The following SDK1 variants were observed in gnomAD, a reference collection of about 807,000 sequenced individuals.
SDK1 encodes protein sidekick-1.
SDK1 carries 157 observed loss-of-function variants against 245.5 expected under a neutral mutation model. That is an observed-to-expected ratio of 0.64 (90% CI 0.56 to 0.73). The LOEUF is 0.73. Among genes scored for constraint, SDK1 ranks in the 30% least tolerant of loss-of-function variants. The pLI is 0.00. For synonymous variants in SDK1, 1,647 were observed against 1,278.5 expected (o/e 1.29, Z -6.15); for missense variants, 3,583 against 3,002.3 (o/e 1.19, Z -4.52).
chr7:4,205,742 C>CGACG (rs1331793914), intron 35 of SDK1, 137 bp from the exon 36 acceptor site: 2 of 715,588 alleles, frequency 2.8e-6, no homozygotes, highest in Non-Finnish European at 4.7e-6. Flanking sequence ...TAAGCCAGGG[C>CGACG]GACGGCCCAG....
intron 1 of SDK1, among the ~76,000 whole-genome samples, chr7:3,458,653 G>T (rs1780742788): frequency 6.6e-6 from 1 of 152,052 alleles, no homozygotes; most frequent in South Asian, 2.1e-4. Context: ...GAGGTAGATA[G>T]AGGTCATGAT....
At chr7:3,612,036 G>C (rs115863487) in intron 1 of SDK1, among the ~76,000 whole-genome samples, 1 of 152,252 alleles carries the variant, frequency 6.6e-6, no homozygotes, top group African/African-American at 2.4e-5. Flanking sequence ...TCCTAAGTGG[G>C]AGCTAAGCTG....
Position 3,969,301 on chromosome 7 carries a change from A to G in SDK1, c.1591A>G (p.Met531Val). Reference protein sequence around the residue: ...ASGSVRIPRFMLLESGGLQIA... With the variant: ...ASGSVRIPRFVLLESGGLQIA... ...TGGCTCTGTCCGGATTCCTAGGTTC[A>G]TGCTTCTTGAATCGGGGGGTCTACA... The change falls in exon 11 of 45, where the codon ATG becomes GTG. Residue 531 changes from methionine (M) to valine (V), a missense_variant. Transcript: ENST00000404826. The G allele has an allele frequency of 6.2e-7, 1 of 1,610,788 alleles. No homozygotes were observed. The highest frequency in any genetic ancestry group is 8.5e-7 in the Non-Finnish European group (1 of 1,178,606).
At chr7:4,207,276 C>G (rs552982140) in intron 36 of SDK1, among the ~76,000 whole-genome samples, 2 of 152,346 alleles carry the variant, frequency 1.3e-5, no homozygotes, top group African/African-American at 4.8e-5. Flanking sequence ...CTCTAACAGC[C>G]TGGCCCTGGT....
At chr7:3,353,603 AC>A (rs1414788917) in intron 1 of SDK1, among the ~76,000 whole-genome samples, 2 of 152,156 alleles carry the variant, frequency 1.3e-5, no homozygotes, top group Non-Finnish European at 2.9e-5. Context: ...ACTGTAACTT[AC>A]CATTCCAGTC....
In SDK1 at chr7:4,124,938, AGATG is replaced by A. The variant is rs550683260; in HGVS notation, c.3824-2429_3824-2426del. Among the ~76,000 whole-genome samples the A allele has an allele frequency of 5.2e-3, 696 of 133,540 alleles. 17 individuals are homozygous for A. In the South Asian group the frequency reaches 0.092, roughly 18 times the overall value. The allele number at this position is 133,540 out of a possible 152,430, so 87.6% of individuals were successfully genotyped here. The stretch of plus-strand genomic sequence containing the variant: ...TGGATGGGTGGGTAGATGGATGGAT[AGATG>A]GATGGATGGATGGGTGATGGGTGGA... On this transcript the variant is annotated intron_variant, in intron 25 of 44. Transcript: ENST00000404826.
intron 22 of SDK1, among the ~76,000 whole-genome samples, chr7:4,087,004 C>T (rs1781464971): frequency 7.0e-6 from 1 of 143,222 alleles, no homozygotes; most frequent in Admixed American, 7.1e-5. Context: ...TTCCCAGCAG[C>T]AACATGTATA....
chr7:3,338,386 C>A, intron 1 of SDK1: 1 of 528,648 alleles, frequency 1.9e-6, no homozygotes, highest in South Asian at 1.6e-5. Flanking sequence ...GCCAAGAGAA[C>A]TAATGTGCGT....
rs374794813 is a variant in SDK1, at chr7:3,394,964, C to G, written c.298+93080C>G. Among the ~76,000 whole-genome samples the G allele has an allele frequency of 2.2e-3, 334 of 152,026 alleles. 3 individuals carry two copies. Among genetic ancestry groups the G allele is most frequent in the African/African-American group, 7.5e-3 (313 of 41,520 alleles). On this transcript the variant is annotated intron_variant, in intron 1 of 44. Transcript: ENST00000404826. Reference sequence around the variant, plus strand: ...TCATCTTCAAACAAAGACAGTTTTACCACTTTCTTTACAAACCGAATGTCT... The same window carrying G: ...TCATCTTCAAACAAAGACAGTTTTAGCACTTTCTTTACAAACCGAATGTCT...
At chr7:4,051,157 TATAG>T in intron 18 of SDK1, among the ~76,000 whole-genome samples, 2 of 140,036 alleles carry the variant, frequency 1.4e-5, no homozygotes, top group African/African-American at 2.6e-5. Flanking sequence ...AATATATACA[TATAG>T]TATATATGTA....
At chr7:3,863,782 C>T (rs1780753494) in intron 5 of SDK1, among the ~76,000 whole-genome samples, 1 of 152,228 alleles carries the variant, frequency 6.6e-6, no homozygotes, top group Non-Finnish European at 1.5e-5. Context: ...CCTGTTAAGG[C>T]TGAAGAATAT....
At chr7:3,537,941 C>G (rs560585193) in intron 1 of SDK1, among the ~76,000 whole-genome samples, 2 of 152,166 alleles carry the variant, frequency 1.3e-5, no homozygotes, top group Non-Finnish European at 2.9e-5. Context: ...AAAGAGTGAA[C>G]CTCCAGTGCT....
In SDK1 at chr7:3,938,037, A is replaced by G. The variant is rs1278078157; in HGVS notation, c.848-12886A>G. On this transcript the variant is annotated intron_variant, in intron 5 of 44. Coordinates refer to ENST00000404826, the MANE Select transcript of SDK1 (RefSeq NM_152744.4). ...TATTTAGTAGAAACGGGATTTCACC[A>G]TGTTGCCCACACTGGTCTTGAACTC... Among the ~76,000 whole-genome samples the G allele has an allele frequency of 3.3e-5, 5 of 152,132 alleles. No homozygotes were observed. The East Asian group carries it at 9.7e-4, about 30-fold the overall frequency.
intron 1 of SDK1, among the ~76,000 whole-genome samples, chr7:3,613,749 GATAAAGA>G (rs1781677249): frequency 6.6e-6 from 1 of 152,146 alleles, no homozygotes; most frequent in African/African-American, 2.4e-5. Flanking sequence ...TGATAGACTG[GATAAAGA>G]AAATGTGGTA....
intron 1 of SDK1, among the ~76,000 whole-genome samples, chr7:3,347,908 T>A (rs1238239884): frequency 6.6e-6 from 1 of 151,536 alleles, no homozygotes; most frequent in Non-Finnish European, 1.5e-5. Context: ...TTTTTTTTCC[T>A]TTTGTGTAGT....
intron 19 of SDK1, among the ~76,000 whole-genome samples, chr7:4,058,606 A>T (rs988062202): frequency 6.6e-6 from 1 of 152,194 alleles, no homozygotes; most frequent in Non-Finnish European, 1.5e-5. Context: ...AAAGAAAAGC[A>T]TCTACTCACT....
At chr7:3,913,621 C>G (rs1779263289) in intron 5 of SDK1, among the ~76,000 whole-genome samples, 1 of 152,076 alleles carries the variant, frequency 6.6e-6, no homozygotes, top group Non-Finnish European at 1.5e-5. Context: ...TTCCCCTCAT[C>G]CATTCTTTTC....
At chr7:3,581,507 C>T (rs1026234271) in intron 1 of SDK1, among the ~76,000 whole-genome samples, 4 of 152,008 alleles carry the variant, frequency 2.6e-5, no homozygotes, top group African/African-American at 7.2e-5. Context: ...CAGATGTGGG[C>T]CAGGTTGTGG....
intron 4 of SDK1, among the ~76,000 whole-genome samples, chr7:3,737,004 A>G (rs957245988): frequency 1.3e-5 from 2 of 152,216 alleles, no homozygotes; most frequent in African/African-American, 2.4e-5. Flanking sequence ...GATTTCACAT[A>G]TAAGTGAGAT....
Sources: allele counts gnomAD v4.1 joint callset (sites outside exome capture counted in the v4.1 genomes callset), GRCh38; gene constraint gnomAD v4.1.1; transcripts MANE v1.5; gene names NCBI Gene and HGNC (gene_info 2026-07-23, HGNC 2026-07-21).